The following SCOC variants were observed in gnomAD, a reference collection of about 807,000 sequenced individuals.
The protein encoded by SCOC is short coiled coil protein.
A neutral mutation model predicts 9.9 loss-of-function variants in SCOC; 7 were observed. That is an observed-to-expected ratio of 0.71 (90% CI 0.40 to 1.33). The LOEUF is 1.33. SCOC is among the 40% of genes most tolerant of loss of function. The pLI, the probability that SCOC is intolerant of heterozygous loss-of-function variation, is 0.01. For missense variants in SCOC, 66 were observed against 89.7 expected (o/e 0.74, Z 1.07); for synonymous variants, 19 against 28.2 (o/e 0.67, Z 1.03).
At chr4:140,369,909 G>A (rs892363462), upstream of SCOC, among the ~76,000 whole-genome samples, 3 of 82,964 alleles carry the variant, frequency 3.6e-5, no homozygotes, top group East Asian at 4.2e-4. Context: ...ATGGAGTTTC[G>A]CTCTTGTTGT....
At chr4:140,357,700 T>G (rs2126543495) in intron 2 of SCOC, among the ~76,000 whole-genome samples, 1 of 152,368 alleles carries the variant, frequency 6.6e-6, no homozygotes, top group South Asian at 2.1e-4. Context: ...TGACCTTAAA[T>G]TCTACATATC....
At chr4:140,323,376 C>T (rs747856505) in intron 1 of SCOC, among the ~76,000 whole-genome samples, 8 of 152,156 alleles carry the variant, frequency 5.3e-5, no homozygotes, top group Non-Finnish European at 1.0e-4. Flanking sequence ...GAATAGTGAG[C>T]CAAATAATCT....
intron 1 of SCOC, among the ~76,000 whole-genome samples, chr4:140,287,146 CCACA>C (rs1227394884): frequency 2.6e-5 from 4 of 151,580 alleles, no homozygotes; most frequent in East Asian, 1.9e-4. Flanking sequence ...TGTGCACATG[CCACA>C]CAGACCATGT....
At chr4:140,290,106 A>AT (rs898917561) in intron 1 of SCOC, among the ~76,000 whole-genome samples, 3 of 152,128 alleles carry the variant, frequency 2.0e-5, no homozygotes, top group Admixed American at 1.3e-4. Context: ...GTCACCTAGC[A>AT]TTTTTTTGCA....
At chr4:140,288,854 C>T (rs1273918104) in intron 1 of SCOC, among the ~76,000 whole-genome samples, 1 of 151,824 alleles carries the variant, frequency 6.6e-6, no homozygotes, top group Non-Finnish European at 1.5e-5. Flanking sequence ...GTCTATATAC[C>T]CCTCATACAA....
intron 1 of SCOC, among the ~76,000 whole-genome samples, chr4:140,281,357 C>T (rs1172828011): frequency 1.3e-5 from 2 of 151,998 alleles, no homozygotes; most frequent in Non-Finnish European, 2.9e-5. Context: ...AAGGGTTCTC[C>T]CTTAACAGTG....
chr4:140,291,512 G>A, intron 1 of SCOC: 1 of 457,312 alleles, frequency 2.2e-6, no homozygotes, highest in South Asian at 1.5e-5. Context: ...ATGTCCACAA[G>A]GTCCAGGTCT....
chr4:140,341,834 A>C (rs2126509169), upstream of SCOC, among the ~76,000 whole-genome samples: 2 of 152,278 alleles, frequency 1.3e-5, no homozygotes, highest in South Asian at 4.1e-4. Context: ...AAGGGAGGTC[A>C]TTTCTGGGAG....
intron 1 of SCOC, among the ~76,000 whole-genome samples, chr4:140,295,400 T>C (rs897740788): frequency 6.6e-6 from 1 of 152,192 alleles, no homozygotes; most frequent in Non-Finnish European, 1.5e-5. Flanking sequence ...TCTGCCATAC[T>C]TGGCCATGTG....
At chr4:140,365,503 T>C (rs1391508305) in intron 2 of SCOC, among the ~76,000 whole-genome samples, 3 of 152,226 alleles carry the variant, frequency 2.0e-5, no homozygotes, top group African/African-American at 7.2e-5. Flanking sequence ...GGTGTTACCA[T>C]ATAGAAACAT....
chr4:140,359,854 G>A (rs1727386511), intron 2 of SCOC, among the ~76,000 whole-genome samples: 2 of 152,308 alleles, frequency 1.3e-5, no homozygotes, highest in East Asian at 1.9e-4. Context: ...ACAATAGTGA[G>A]GGATAGGACA....
intron 1 of SCOC, among the ~76,000 whole-genome samples, chr4:140,268,963 T>C (rs914238746): frequency 2.6e-5 from 4 of 152,182 alleles, no homozygotes; most frequent in African/African-American, 7.2e-5. Context: ...CTGACGGGTA[T>C]ATGGATACTC....
chr4:140,379,035 T>G (rs1362796713), intron 1 of SCOC, 86 bp from the exon 2 acceptor site: 1 of 822,682 alleles, frequency 1.2e-6, no homozygotes, highest in Non-Finnish European at 2.1e-6. Context: ...TACTATGTCA[T>G]AGTTAACAAA....
At chr4:140,357,163 AG>A (rs1727267580) in intron 2 of SCOC, among the ~76,000 whole-genome samples, 1 of 151,932 alleles carries the variant, frequency 6.6e-6, no homozygotes, top group Admixed American at 6.6e-5. Context: ...TAGTAGAGAC[AG>A]GGTTTCACCA....
At chr4:140,264,561 T>C (rs907308000) in intron 1 of SCOC, among the ~76,000 whole-genome samples, 2 of 152,176 alleles carry the variant, frequency 1.3e-5, no homozygotes, top group Non-Finnish European at 2.9e-5. Context: ...TCGATGCCCT[T>C]GAGGTCATTT....
chr4:140,315,025 G>A (rs1426452478), intron 1 of SCOC, among the ~76,000 whole-genome samples: 2 of 152,188 alleles, frequency 1.3e-5, no homozygotes, highest in African/African-American at 4.8e-5. Context: ...TTCTATCAAG[G>A]ATCTGAGGAC....
At chr4:140,302,837 T>G (rs373897955) in intron 1 of SCOC, among the ~76,000 whole-genome samples, 6 of 152,220 alleles carry the variant, frequency 3.9e-5, no homozygotes, top group Non-Finnish European at 7.3e-5. Context: ...CAGCTGAATA[T>G]TTAAATGTAT....
intron 1 of SCOC, among the ~76,000 whole-genome samples, chr4:140,276,162 C>A (rs1730976463): frequency 6.6e-6 from 1 of 152,088 alleles, no homozygotes; most frequent in Non-Finnish European, 1.5e-5. Flanking sequence ...GCCACCACGC[C>A]CGTCTAAATT....
chr4:140,273,625 G>C (rs752079277), intron 1 of SCOC, among the ~76,000 whole-genome samples: 1 of 148,712 alleles, frequency 6.7e-6, no homozygotes. Context: ...GCTCAGTGCC[G>C]AGCTCTGATT....
Sources: gnomAD v4.1 joint callset for allele counts (sites outside exome capture counted in the v4.1 genomes callset) on GRCh38, gnomAD v4.1.1 for gene constraint, MANE v1.5 for transcripts, NCBI Gene and HGNC (gene_info 2026-07-23, HGNC 2026-07-21) for gene names.